Variants in MANBA observed in about 807,000 individuals in gnomAD.
MANBA encodes the protein mannosidase beta, also known as beta-mannosidase.
Under a neutral mutation model 111.1 loss-of-function variants are expected in MANBA, and 83 were observed. The observed-to-expected ratio is 0.75, with a 90% confidence interval of 0.63 to 0.90. MANBA has a LOEUF of 0.90. MANBA is among the 40% of genes least tolerant of loss of function. The pLI is 0.00. For missense variants in MANBA, 1,036 were observed against 1,069.0 expected, an observed-to-expected ratio of 0.97 and a Z score of 0.43; for synonymous variants, 370 against 378.7, an observed-to-expected ratio of 0.98 and a Z score of 0.27.
At chr4:102,738,096 G>C (rs1295626305) in intron 1 of MANBA, among the ~76,000 whole-genome samples, 1 of 152,218 alleles carries the variant, frequency 6.6e-6, no homozygotes, top group Non-Finnish European at 1.5e-5. Context: ...TGCTACTGCA[G>C]CTAGTGCTTT....
intron 12 of MANBA, among the ~76,000 whole-genome samples, chr4:102,657,228 G>A (rs866882501): frequency 8.3e-6 from 1 of 120,698 alleles, no homozygotes; most frequent in Admixed American, 8.8e-5. Flanking sequence ...GGGGTGGGGG[G>A]GGGGTGGGCG....
intron 12 of MANBA, among the ~76,000 whole-genome samples, chr4:102,657,012 T>C (rs560785677): frequency 6.6e-6 from 1 of 152,180 alleles, no homozygotes; most frequent in Non-Finnish European, 1.5e-5. Flanking sequence ...TGGTGCTGGC[T>C]GCACATCTCT....
In MANBA at chr4:102,632,290, GA is replaced by G. The variant is rs5860729; in HGVS notation, c.2416-10del. 0.53 allele frequency: 713,447 copies of G among 1,358,356 alleles called. 163,238 individuals carry two copies. The highest frequency in any genetic ancestry group is 0.69 in the Admixed American group (38,586 of 55,994). 84.1% of individuals were successfully genotyped at this position (1,358,356 alleles called of 1,614,324 possible). A position where few individuals can be genotyped will look rare whatever the true frequency, so the allele number is the denominator to read the frequency against. ...TGCTGAGAGATGATGGCCTGAAAAA[GA>G]AAAAAAAAAATGAATGAAGTGAAGG... On this transcript the variant is annotated splice_polypyrimidine_tract_variant and intron_variant, in intron 16 of 16. Transcript: ENST00000647097.
chr4:102,680,846 T>C (rs1731943897), intron 7 of MANBA, among the ~76,000 whole-genome samples: 1 of 152,236 alleles, frequency 6.6e-6, no homozygotes, highest in African/African-American at 2.4e-5. Context: ...GAATGACTCC[T>C]TTATCTCCAT....
In MANBA at chr4:102,642,756, T is replaced by C. The variant is rs188657004; in HGVS notation, c.1870-2899A>G. 9.0e-3 allele frequency among the ~76,000 whole-genome samples: 1,373 copies of C among 152,278 alleles called. 24 individuals carry two copies. The highest frequency in any genetic ancestry group is 0.032 in the African/African-American group (1,310 of 41,554). On this transcript the variant is annotated intron_variant, in intron 13 of 16. Coordinates refer to ENST00000647097, the MANE Select transcript of MANBA (RefSeq NM_005908.4). ...GTTCCAGTTCCAGCACTGCCACTGGTGGTTGCTAGCTGTCTTCCAAAACCA... is the reference window on the plus strand; with the variant it reads ...GTTCCAGTTCCAGCACTGCCACTGGCGGTTGCTAGCTGTCTTCCAAAACCA...
intron 14 of MANBA, 47 bp downstream of exon 14, chr4:102,639,666 A>C: frequency 6.2e-7 from 1 of 1,612,618 alleles, no homozygotes; most frequent in Non-Finnish European, 8.5e-7. Flanking sequence ...CCCTCTCCCC[A>C]CAGTGTTGCT....
chr4:102,664,480 C>T (rs1731117027), intron 11 of MANBA, among the ~76,000 whole-genome samples: 1 of 152,098 alleles, frequency 6.6e-6, no homozygotes, highest in Non-Finnish European at 1.5e-5. Flanking sequence ...TCCCGAGTAG[C>T]TGGGACTACA....
chr4:102,701,426 C>T (rs1274481243), intron 5 of MANBA, among the ~76,000 whole-genome samples: 2 of 152,122 alleles, frequency 1.3e-5, no homozygotes, highest in African/African-American at 4.8e-5. Flanking sequence ...TTATTTTGCT[C>T]GTTAGTTGAT....
intron 16 of MANBA, among the ~76,000 whole-genome samples, chr4:102,633,930 AG>A (rs1427950145): frequency 1.3e-5 from 2 of 152,204 alleles, no homozygotes; most frequent in Middle Eastern, 3.2e-3. Context: ...CACAAGAATT[AG>A]GTGTTTTTAT....
rs114125832 is a variant in MANBA at position 102,730,739 on chromosome 4, G to A, written c.178-4056C>T. ...CCTACAGATAGATGCTTCTTCAACT[G>A]TCAGGTAAGACACAATAAGTCTTTC... On this transcript the variant is annotated intron_variant, in intron 1 of 16. Coordinates refer to ENST00000647097, the MANE Select transcript of MANBA (RefSeq NM_005908.4). 8.0e-3 allele frequency: 4,130 copies of A among 517,138 alleles called. 39 individuals carry two copies. Among genetic ancestry groups the A allele is most frequent in the South Asian group, 0.013 (898 of 70,432 alleles). The allele number at this position is 517,138 out of a possible 1,614,324, so 32.0% of individuals were successfully genotyped here.
rs117846119 is a variant in MANBA, at chr4:102,681,217, C to T, written c.961-7147G>A. Among the ~76,000 whole-genome samples the T allele has an allele frequency of 9.2e-5, 14 of 152,212 alleles. No individual in the cohort carries two copies. The East Asian group carries it at 2.5e-3, about 27-fold the overall frequency. ...AATAGGCAAGGCATGGTAGCATGTGCCTGTAGTAGTCCTAGCTACTCAGGA... is the reference window on the plus strand; with the variant it reads ...AATAGGCAAGGCATGGTAGCATGTGTCTGTAGTAGTCCTAGCTACTCAGGA... On this transcript the variant is annotated intron_variant, in intron 7 of 16. Transcript: ENST00000647097.
intron 13 of MANBA, among the ~76,000 whole-genome samples, chr4:102,650,245 G>A (rs753892054): frequency 6.6e-6 from 1 of 152,140 alleles, no homozygotes; most frequent in Non-Finnish European, 1.5e-5. Flanking sequence ...TTATCCTTGG[G>A]AAATGGCACT....
At chr4:102,650,973 T>C in intron 12 of MANBA, 1 of 373,320 alleles carries the variant, frequency 2.7e-6, no homozygotes, top group Non-Finnish European at 4.9e-6. Context: ...CTCTTAAGAC[T>C]CTTGTTTTAT....
At chr4:102,716,056 T>C (rs1722314564) in intron 4 of MANBA, among the ~76,000 whole-genome samples, 1 of 152,118 alleles carries the variant, frequency 6.6e-6, no homozygotes, top group East Asian at 1.9e-4. Context: ...ACGCATGTAA[T>C]ATCAACACTT....
chr4:102,757,519 T>C (rs1560818752), intron 1 of MANBA, among the ~76,000 whole-genome samples: 1 of 152,158 alleles, frequency 6.6e-6, no homozygotes, highest in Non-Finnish European at 1.5e-5. Context: ...AAAATCCTGG[T>C]ATTTTCCTGC....
intron 16 of MANBA, chr4:102,633,247 G>A (rs796745940): frequency 5.0e-6 from 2 of 398,490 alleles, no homozygotes; most frequent in East Asian, 3.6e-5. Context: ...TTCCCAGATC[G>A]CACCGCCCAG....
chr4:102,631,740 T>C lies in MANBA; in HGVS notation c.*317A>G, dbSNP rs78514870. On this transcript the variant is annotated 3_prime_UTR_variant, in exon 17 of 17. Coordinates refer to ENST00000647097, the MANE Select transcript of MANBA (RefSeq NM_005908.4). ...CCATAGATCCTGCCATGTCACATTC[T>C]TGTAACCAGCTGCAGGGCCATCTTG... 0.015 allele frequency: 8,528 copies of C among 570,402 alleles called. 205 individuals carry two copies. Among genetic ancestry groups the C allele is most frequent in the African/African-American group, 0.079 (4,247 of 53,668 alleles). The allele number at this position is 570,402 out of a possible 1,614,324, so 35.3% of individuals were successfully genotyped here.
chr4:102,733,371 AC>A (rs1412728279), intron 1 of MANBA, among the ~76,000 whole-genome samples: 3 of 150,068 alleles, frequency 2.0e-5, no homozygotes, highest in Non-Finnish European at 3.0e-5. Flanking sequence ...TTTTTTTGAA[AC>A]AGGTCTTGCT....
chr4:102,713,156 G>A (rs895299133), intron 5 of MANBA, among the ~76,000 whole-genome samples: 2 of 152,126 alleles, frequency 1.3e-5, no homozygotes, highest in South Asian at 2.1e-4. Flanking sequence ...CAATTGAATA[G>A]CAAGCTAAGG....
Sources: gnomAD v4.1 joint callset for allele counts (sites outside exome capture counted in the v4.1 genomes callset) on GRCh38, gnomAD v4.1.1 for gene constraint, MANE v1.5 for transcripts, NCBI Gene and HGNC (gene_info 2026-07-23, HGNC 2026-07-21) for gene names.